Variants in CSMD1 observed in about 807,000 individuals in gnomAD.
The protein encoded by CSMD1 is CUB and sushi domain-containing protein 1.
CSMD1 carries 213 observed loss-of-function variants against 417.5 expected under a neutral mutation model. That is an observed-to-expected ratio of 0.51 (90% CI 0.46 to 0.57). The LOEUF (loss-of-function observed/expected upper bound fraction) is 0.57, where lower values mean the gene tolerates loss of function less well. Ranked by LOEUF, CSMD1 falls within the 20% of genes least tolerant of loss-of-function variation. The probability of loss-of-function intolerance (pLI) is 0.00; values close to 1 mark genes in which losing one functional copy is unlikely to be tolerated. For synonymous variants in CSMD1, 2,862 were observed against 1,736.8 expected (o/e 1.65, Z -16.11); for missense variants, 6,923 against 4,529.7 (o/e 1.53, Z -15.17).
At chr8:4,645,108 T>A (rs1803439271) in intron 1 of CSMD1, among the ~76,000 whole-genome samples, 1 of 152,140 alleles carries the variant, frequency 6.6e-6, no homozygotes, top group Non-Finnish European at 1.5e-5. Flanking sequence ...GCAGCCTGAT[T>A]GTCGAAAGCT....
intron 5 of CSMD1, among the ~76,000 whole-genome samples, chr8:3,779,759 T>C (rs1312747387): frequency 6.6e-6 from 1 of 152,204 alleles, no homozygotes; most frequent in Non-Finnish European, 1.5e-5. Context: ...TTGAAAGAGA[T>C]CCCAGGTCCT....
intron 1 of CSMD1, among the ~76,000 whole-genome samples, chr8:4,907,131 G>A (rs143824355): frequency 6.6e-6 from 1 of 152,346 alleles, no homozygotes; most frequent in East Asian, 1.9e-4. Flanking sequence ...GTGTGCAAGA[G>A]TTAGGGAATA....
intron 5 of CSMD1, among the ~76,000 whole-genome samples, chr8:3,897,044 T>C (rs1210264828): frequency 6.6e-6 from 1 of 152,050 alleles, no homozygotes; most frequent in Non-Finnish European, 1.5e-5. Context: ...ATTTTTGTCT[T>C]TTATTAAGGG....
intron 10 of CSMD1, among the ~76,000 whole-genome samples, chr8:3,502,144 C>A (rs1288438531): frequency 2.0e-5 from 3 of 152,042 alleles, no homozygotes; most frequent in African/African-American, 7.2e-5. Context: ...GCTGGCAGAT[C>A]ACGAGGTCAG....
intron 26 of CSMD1, among the ~76,000 whole-genome samples, chr8:3,267,507 C>A (rs146809888): frequency 1.6e-3 from 247 of 152,228 alleles, no homozygotes; most frequent in South Asian, 2.9e-3. Context: ...CAGGAGCTCT[C>A]CGGAGTCCAG....
At chr8:4,475,337 C>G (rs1217683) in intron 2 of CSMD1, among the ~76,000 whole-genome samples, 147,188 of 152,276 alleles carry the variant, frequency 0.97, 71,179 homozygotes, top group East Asian at 1. Context: ...CTTCATAAGA[C>G]AGAAGCAGTA....
chr8:3,913,197 T>C (rs931487018), intron 5 of CSMD1, among the ~76,000 whole-genome samples: 3 of 151,994 alleles, frequency 2.0e-5, no homozygotes, highest in Non-Finnish European at 2.9e-5. Flanking sequence ...AATATATTGG[T>C]TGGAGGTCAG....
intron 25 of CSMD1, among the ~76,000 whole-genome samples, chr8:3,286,276 G>A (rs900790304): frequency 3.9e-5 from 6 of 152,044 alleles, no homozygotes; most frequent in Non-Finnish European, 5.9e-5. Flanking sequence ...GAATAGTGCC[G>A]CTATAAACAT....
intron 10 of CSMD1, among the ~76,000 whole-genome samples, chr8:3,556,285 C>G (rs11136635): frequency 6.7e-6 from 1 of 150,298 alleles, no homozygotes; most frequent in African/African-American, 2.4e-5. Context: ...CCCTACAACC[C>G]CCACTACCCT....
chr8:3,828,297 T>G (rs1393080392), intron 5 of CSMD1, among the ~76,000 whole-genome samples: 1 of 152,210 alleles, frequency 6.6e-6, no homozygotes, highest in African/African-American at 2.4e-5. Context: ...TATTTTCAGT[T>G]TGGAACACCT....
chr8:4,136,393 G>C (rs1464046223), intron 3 of CSMD1, among the ~76,000 whole-genome samples: 2 of 152,110 alleles, frequency 1.3e-5, no homozygotes, highest in East Asian at 1.9e-4. Context: ...AACTTGACTG[G>C]AGGGTCCCTT....
intron 5 of CSMD1, among the ~76,000 whole-genome samples, chr8:3,879,848 T>G (rs1406346016): frequency 6.6e-6 from 1 of 152,102 alleles, no homozygotes; most frequent in Non-Finnish European, 1.5e-5. Context: ...TGTGTGTGTG[T>G]GTGTGTTGCG....
At chr8:4,948,219 T>C (rs978840236) in intron 1 of CSMD1, among the ~76,000 whole-genome samples, 2 of 152,096 alleles carry the variant, frequency 1.3e-5, no homozygotes, top group Non-Finnish European at 2.9e-5. Context: ...ACGAGTTTAG[T>C]AGGTATCAAA....
chr8:3,892,346 A>C (rs1249220359), intron 5 of CSMD1, among the ~76,000 whole-genome samples: 1 of 152,122 alleles, frequency 6.6e-6, no homozygotes, highest in East Asian at 1.9e-4. Flanking sequence ...GTCTTCAAGA[A>C]GACGTGTGGG....
chr8:3,541,038 C>G (rs574817131), intron 10 of CSMD1, among the ~76,000 whole-genome samples: 1 of 152,246 alleles, frequency 6.6e-6, no homozygotes, highest in South Asian at 2.1e-4. Context: ...GGTATATACC[C>G]AAAGGAATAT....
chr8:3,254,391 C>G (rs1213069689), intron 26 of CSMD1, among the ~76,000 whole-genome samples: 2 of 152,160 alleles, frequency 1.3e-5, no homozygotes, highest in Non-Finnish European at 2.9e-5. Flanking sequence ...TTGTGGCATT[C>G]TCTGTATTTC....
At chr8:4,893,351 A>C (rs1680940892) in intron 1 of CSMD1, among the ~76,000 whole-genome samples, 1 of 151,792 alleles carries the variant, frequency 6.6e-6, no homozygotes, top group Admixed American at 6.6e-5. Context: ...TTTTTCTGTC[A>C]CTTTTTTAAC....
intron 3 of CSMD1, among the ~76,000 whole-genome samples, chr8:4,383,901 C>T (rs1219062072): frequency 2.6e-5 from 4 of 152,108 alleles, no homozygotes; most frequent in Admixed American, 2.6e-4. Flanking sequence ...TTTAGATACT[C>T]ATAAATGTTT....
At chr8:4,903,617 T>C (rs1398953239) in intron 1 of CSMD1, among the ~76,000 whole-genome samples, 4 of 152,236 alleles carry the variant, frequency 2.6e-5, no homozygotes, top group Admixed American at 2.0e-4. Context: ...TAAAACATTA[T>C]GAAGTAAACT....
Sources: allele counts gnomAD v4.1 joint callset (sites outside exome capture counted in the v4.1 genomes callset), GRCh38; gene constraint gnomAD v4.1.1; transcripts MANE v1.5; gene names NCBI Gene and HGNC (gene_info 2026-07-23, HGNC 2026-07-21).